Variants in DPYD observed in about 807,000 individuals in gnomAD.
The protein encoded by DPYD is dihydropyrimidine dehydrogenase, also known as dihydropyrimidine dehydrogenase [NADP(+)].
A neutral mutation model predicts 116.2 loss-of-function variants in DPYD; 109 were observed. That is an observed-to-expected ratio of 0.94 (90% CI 0.80 to 1.10). The LOEUF (loss-of-function observed/expected upper bound fraction) is 1.10. DPYD is among the 50% of genes least tolerant of loss of function. The pLI is 0.00. For synonymous variants in DPYD, 440 were observed against 432.0 expected (o/e 1.02, Z -0.23); for missense variants, 1,302 against 1,254.5 (o/e 1.04, Z -0.57).
chr1:97,780,637 A>C (rs1666689622), intron 3 of DPYD, among the ~76,000 whole-genome samples: 1 of 152,206 alleles, frequency 6.6e-6, no homozygotes, highest in Non-Finnish European at 1.5e-5. Context: ...TCAACTCAGA[A>C]GGAGGTATAT....
At chr1:97,584,856 A>G (rs1327061770) in intron 10 of DPYD, among the ~76,000 whole-genome samples, 1 of 150,722 alleles carries the variant, frequency 6.6e-6, no homozygotes, top group Non-Finnish European at 1.5e-5. Context: ...GCTAAATGAC[A>G]AGTTAATGGG....
intron 6 of DPYD, among the ~76,000 whole-genome samples, chr1:97,692,511 GT>G (rs1661062707): frequency 1.3e-5 from 2 of 151,998 alleles, no homozygotes; most frequent in Admixed American, 1.3e-4. Flanking sequence ...CCAGTGTTTT[GT>G]TAACAATTAA....
chr1:97,794,197 C>T (rs954021326), intron 3 of DPYD, among the ~76,000 whole-genome samples: 3 of 152,112 alleles, frequency 2.0e-5, no homozygotes, highest in Non-Finnish European at 4.4e-5. Flanking sequence ...CTCAGCCTTC[C>T]CAAATTTTGG....
intron 21 of DPYD, among the ~76,000 whole-genome samples, chr1:97,085,601 T>C (rs1649458382): frequency 6.6e-6 from 1 of 152,202 alleles, no homozygotes; most frequent in African/African-American, 2.4e-5. Context: ...AATTATTCCA[T>C]GTGGCTAAGA....
intron 20 of DPYD, among the ~76,000 whole-genome samples, chr1:97,150,894 CAAATGT>C (rs1323095769): frequency 6.6e-6 from 1 of 152,134 alleles, no homozygotes; most frequent in Non-Finnish European, 1.5e-5. Flanking sequence ...ATTATAATGA[CAAATGT>C]TTTTCATTGC....
At chr1:97,580,365 A>T (rs2102207400) in intron 10 of DPYD, among the ~76,000 whole-genome samples, 1 of 152,374 alleles carries the variant, frequency 6.6e-6, no homozygotes, top group South Asian at 2.1e-4. Context: ...ATAAACCTAG[A>T]AAATATTATC....
At chr1:97,840,254 A>T (rs982395834) in intron 2 of DPYD, among the ~76,000 whole-genome samples, 1 of 152,092 alleles carries the variant, frequency 6.6e-6, no homozygotes, top group Non-Finnish European at 1.5e-5. Context: ...ACAAAAAAAA[A>T]CCCAGAACAC....
At chr1:97,694,544 T>A (rs1661193152) in intron 6 of DPYD, among the ~76,000 whole-genome samples, 1 of 152,146 alleles carries the variant, frequency 6.6e-6, no homozygotes, top group Admixed American at 6.5e-5. Flanking sequence ...CACTTGGGTG[T>A]CTAATGGGTA....
rs1034642298 is a variant in DPYD, at chr1:97,265,321, A to G, written c.2300-30327T>C. ...AATCTAAAGTCCCATCTCTTTTTCT[A>G]TCACAATTATACCACCTAGTTTTGC... On this transcript the variant is annotated intron_variant, in intron 18 of 22. Transcript: ENST00000370192. 4 of 152,076 alleles carry G rather than the reference A, an allele frequency of 2.6e-5. No homozygotes were observed. The South Asian group carries it at 8.3e-4, about 32-fold the overall frequency. 9.4% of individuals were successfully genotyped at this position (152,076 alleles called of 1,614,324 possible).
chr1:97,128,980 C>T (rs370786589), intron 20 of DPYD, among the ~76,000 whole-genome samples: 7 of 152,150 alleles, frequency 4.6e-5, no homozygotes, highest in African/African-American at 7.2e-5. Flanking sequence ...TTGTCCAAGC[C>T]GGAGCTTGCA....
At chr1:97,479,054 G>A (rs1263163220) in intron 13 of DPYD, among the ~76,000 whole-genome samples, 1 of 152,108 alleles carries the variant, frequency 6.6e-6, no homozygotes, top group African/African-American at 2.4e-5. Flanking sequence ...GTGCTGATTT[G>A]GTCTATCCAG....
chr1:97,457,560 A>G (rs1472051882), intron 13 of DPYD, among the ~76,000 whole-genome samples: 7 of 152,164 alleles, frequency 4.6e-5, no homozygotes, highest in Admixed American at 4.6e-4. Context: ...GTTGTAGGAT[A>G]GTAAATGAAG....
At chr1:97,839,830 A>C (rs1039552385) in intron 2 of DPYD, among the ~76,000 whole-genome samples, 2 of 152,174 alleles carry the variant, frequency 1.3e-5, no homozygotes, top group Non-Finnish European at 2.9e-5. Flanking sequence ...GAAAGAGCTT[A>C]GTTGCCTGAA....
intron 14 of DPYD, among the ~76,000 whole-genome samples, chr1:97,433,062 A>G (rs1557708298): frequency 6.6e-6 from 1 of 152,050 alleles, no homozygotes; most frequent in African/African-American, 2.4e-5. Flanking sequence ...GTGCTTCAGG[A>G]TATCTTTCTA....
At chr1:97,469,595 T>C (rs143269929) in intron 13 of DPYD, among the ~76,000 whole-genome samples, 151 of 152,212 alleles carry the variant, frequency 9.9e-4, no homozygotes, top group Middle Eastern at 3.4e-3. Context: ...TTGAAATTCA[T>C]TCATTAGCAT....
intron 3 of DPYD, among the ~76,000 whole-genome samples, chr1:97,792,088 T>C (rs577730513): frequency 1.9e-4 from 29 of 152,294 alleles, no homozygotes; most frequent in African/African-American, 7.0e-4. Context: ...CTATTATGCA[T>C]AGTCATAATG....
chr1:97,206,377 C>G (rs1246139857), intron 19 of DPYD, among the ~76,000 whole-genome samples: 1 of 151,730 alleles, frequency 6.6e-6, no homozygotes, highest in Non-Finnish European at 1.5e-5. Flanking sequence ...CAAAATATGT[C>G]TACATGTAGC....
At chr1:97,237,350 C>G (rs1010744939) in intron 18 of DPYD, among the ~76,000 whole-genome samples, 1 of 150,054 alleles carries the variant, frequency 6.7e-6, no homozygotes, top group Non-Finnish European at 1.5e-5. Context: ...CTTTTGTACT[C>G]AACACAAAAA....
chr1:97,674,927 G>T (rs1399723685), intron 8 of DPYD, among the ~76,000 whole-genome samples: 1 of 152,100 alleles, frequency 6.6e-6, no homozygotes, highest in Non-Finnish European at 1.5e-5. Flanking sequence ...TGGGAAAAAG[G>T]TGTTTAGTCC....
Sources: allele counts gnomAD v4.1 joint callset (sites outside exome capture counted in the v4.1 genomes callset), GRCh38; gene constraint gnomAD v4.1.1; transcripts MANE v1.5; gene names NCBI Gene and HGNC (gene_info 2026-07-23, HGNC 2026-07-21).